The following ELAVL2 variants were observed in gnomAD, a reference collection of about 807,000 sequenced individuals.
The protein encoded by ELAVL2 is ELAV-like protein 2.
In ELAVL2, 4 loss-of-function variants were observed where a neutral mutation model predicts 34.6. The ratio of observed to expected loss-of-function variants is 0.12; its 90% CI spans 0.06 to 0.26. ELAVL2 has a LOEUF of 0.26. Ranked by LOEUF, ELAVL2 falls within the 10% of genes least tolerant of loss-of-function variation. The pLI, the probability that ELAVL2 is intolerant of heterozygous loss-of-function variation, is 1.00. For synonymous variants in ELAVL2, 193 were observed against 154.8 expected, an observed-to-expected ratio of 1.25 and a Z score of -1.83; for missense variants, 432 against 442.8, an observed-to-expected ratio of 0.98 and a Z score of 0.22.
chr9:23,805,960 T>C (rs139494426), intron 1 of ELAVL2, among the ~76,000 whole-genome samples: 50 of 152,288 alleles, frequency 3.3e-4, no homozygotes, highest in African/African-American at 1.1e-3. Context: ...CATCATTGTA[T>C]ATTTTTTTCT....
chr9:23,698,131 G>T (rs1341887503), intron 5 of ELAVL2, among the ~76,000 whole-genome samples: 2 of 152,074 alleles, frequency 1.3e-5, no homozygotes, highest in Non-Finnish European at 2.9e-5. Flanking sequence ...ATAGAAGCAG[G>T]CACACAGGTC....
intron 3 of ELAVL2, among the ~76,000 whole-genome samples, 174 bp downstream of exon 3, chr9:23,730,848 A>G (rs542768779): frequency 6.6e-6 from 1 of 152,246 alleles, no homozygotes; most frequent in African/African-American, 2.4e-5. Flanking sequence ...GATTATACAT[A>G]GCACTCTTGA....
At chr9:23,737,830 A>T (rs2048255767) in intron 2 of ELAVL2, among the ~76,000 whole-genome samples, 1 of 152,218 alleles carries the variant, frequency 6.6e-6, no homozygotes, top group Non-Finnish European at 1.5e-5. Context: ...TTGCAACCTG[A>T]GGTTTAATAA....
chr9:23,757,370 A>G (rs190812648), intron 2 of ELAVL2, among the ~76,000 whole-genome samples: 1 of 152,062 alleles, frequency 6.6e-6, no homozygotes, highest in African/African-American at 2.4e-5. Flanking sequence ...CAGGTAAAGC[A>G]TAAGATAATC....
intron 4 of ELAVL2, 104 bp from the exon 5 acceptor site, chr9:23,701,708 A>C: frequency 8.4e-7 from 1 of 1,187,056 alleles, no homozygotes; most frequent in Non-Finnish European, 1.2e-6. Context: ...ACATGTTTTC[A>C]CCTACATATA....
rs577194998 is a variant in ELAVL2 at position 23,725,102 on chromosome 9, T to C, written c.333+5920A>G. The stretch of plus-strand genomic sequence containing the variant: ...CAAGCCAGAAAAACACTAGGGTGGG[T>C]TGAAATGCTGAGAAAGATGTGGCGT... On this transcript the variant is annotated intron_variant, in intron 3 of 6. Transcript: ENST00000397312. Among the ~76,000 whole-genome samples the C allele has an allele frequency of 2.6e-5, 4 of 152,146 alleles. No homozygotes were observed. The South Asian group carries it at 8.3e-4, about 32-fold the overall frequency.
chr9:23,766,170 GA>G (rs1429990254), intron 1 of ELAVL2, among the ~76,000 whole-genome samples: 2 of 152,068 alleles, frequency 1.3e-5, no homozygotes, highest in African/African-American at 4.8e-5. Context: ...CGCCAGTAAC[GA>G]TGGATTCCAC....
At chr9:23,797,532 A>G (rs2061081685) in intron 1 of ELAVL2, among the ~76,000 whole-genome samples, 2 of 152,250 alleles carry the variant, frequency 1.3e-5, no homozygotes, top group Admixed American at 1.3e-4. Context: ...CATGGGTGGT[A>G]GATAATGACA....
intron 1 of ELAVL2, among the ~76,000 whole-genome samples, chr9:23,792,964 C>A (rs920220364): frequency 2.6e-5 from 4 of 151,934 alleles, no homozygotes; most frequent in African/African-American, 9.7e-5. Flanking sequence ...TTTGTAGACA[C>A]AGGGTCCTCA....
At chr9:23,811,872 AAT>A (rs1337415472) in intron 1 of ELAVL2, among the ~76,000 whole-genome samples, 1 of 152,154 alleles carries the variant, frequency 6.6e-6, no homozygotes, top group Non-Finnish European at 1.5e-5. Context: ...CAAACTAGGA[AAT>A]AGTTACTCAT....
intron 4 of ELAVL2, among the ~76,000 whole-genome samples, chr9:23,702,594 AAAAG>A (rs1171474830): frequency 3.9e-5 from 6 of 152,068 alleles, no homozygotes; most frequent in South Asian, 2.1e-4. Flanking sequence ...TAAAAAAAAA[AAAAG>A]AAAGAAGGTC....
chr9:23,756,608 G>C (rs1458094699), intron 2 of ELAVL2, among the ~76,000 whole-genome samples: 1 of 152,000 alleles, frequency 6.6e-6, no homozygotes, highest in Non-Finnish European at 1.5e-5. Context: ...CAACATATCA[G>C]ATCAGTAAGG....
At chr9:23,738,787 G>T (rs1264960156) in intron 2 of ELAVL2, among the ~76,000 whole-genome samples, 1 of 152,142 alleles carries the variant, frequency 6.6e-6, no homozygotes, top group East Asian at 1.9e-4. Flanking sequence ...TACCTAAGCA[G>T]CCTAATTCTA....
chr9:23,816,595 G>A (rs2063755293), intron 1 of ELAVL2, among the ~76,000 whole-genome samples: 2 of 151,548 alleles, frequency 1.3e-5, no homozygotes, highest in Non-Finnish European at 2.9e-5. Flanking sequence ...AATTTATGAT[G>A]GTTCAAACTT....
chr9:23,796,043 C>G (rs538675206), intron 1 of ELAVL2, among the ~76,000 whole-genome samples: 23 of 152,088 alleles, frequency 1.5e-4, no homozygotes, highest in African/African-American at 5.3e-4. Flanking sequence ...GGTCCTTGGA[C>G]CTTCAATTGT....
At chr9:23,762,388 T>C (rs1460023100) in intron 1 of ELAVL2, 139 bp from the exon 2 acceptor site, 34 of 1,063,134 alleles carry the variant, frequency 3.2e-5, no homozygotes, top group South Asian at 2.4e-4. Context: ...AAAAGTGTAA[T>C]ACCTACACTA....
At chr9:23,759,949 C>G (rs2054574368) in intron 2 of ELAVL2, among the ~76,000 whole-genome samples, 1 of 151,164 alleles carries the variant, frequency 6.6e-6, no homozygotes, top group African/African-American at 2.4e-5. Context: ...ACTGAAAAGA[C>G]AACAGGCAGG....
rs1439501221 is a variant in ELAVL2 at position 23,690,625 on chromosome 9, T to A, written c.*1932A>T. The A allele has an allele frequency of 6.6e-6, 1 of 152,502 alleles. No individual in the cohort carries two copies. The highest frequency in any genetic ancestry group is 2.4e-5 in the African/African-American group (1 of 41,412). 9.4% of individuals were successfully genotyped at this position (152,502 alleles called of 1,614,324 possible). ...TACTGTACTATACTGAAAAATTTTA[T>A]AACTACAATTTTAAATAATAAAAAA... On this transcript the variant is annotated 3_prime_UTR_variant, in exon 7 of 7. Coordinates refer to ENST00000397312, the MANE Select transcript of ELAVL2 (RefSeq NM_004432.5).
At chr9:23,773,290 TTA>T (rs1248476686) in intron 1 of ELAVL2, among the ~76,000 whole-genome samples, 1 of 152,172 alleles carries the variant, frequency 6.6e-6, no homozygotes, top group East Asian at 1.9e-4. Context: ...CCTTATCCAC[TTA>T]TATCCACATC....
Sources: allele counts gnomAD v4.1 joint callset (sites outside exome capture counted in the v4.1 genomes callset), GRCh38; gene constraint gnomAD v4.1.1; transcripts MANE v1.5; gene names NCBI Gene and HGNC (gene_info 2026-07-23, HGNC 2026-07-21).